The following WDR7 variants were observed in gnomAD, a reference collection of about 807,000 sequenced individuals.
The protein encoded by WDR7 is WD repeat domain 7, also known as WD repeat-containing protein 7.
In WDR7, 46 loss-of-function variants were observed where a neutral mutation model predicts 169.4. The ratio of observed to expected loss-of-function variants is 0.27; its 90% CI spans 0.21 to 0.35. WDR7 has a LOEUF of 0.35. Ranked by LOEUF, WDR7 falls within the 10% of genes least tolerant of loss-of-function variation. WDR7 has a pLI of 1.00. For synonymous variants in WDR7, 612 were observed against 666.8 expected (o/e 0.92, Z 1.27); for missense variants, 1,534 against 1,859.3 (o/e 0.83, Z 3.22).
chr18:56,662,445 C>A (rs2024924549), intron 1 of WDR7, among the ~76,000 whole-genome samples: 1 of 152,122 alleles, frequency 6.6e-6, no homozygotes, highest in Admixed American at 6.6e-5. Flanking sequence ...CCCCATAGGT[C>A]ATTGATAGTT....
intron 21 of WDR7, among the ~76,000 whole-genome samples, chr18:56,892,939 A>C (rs547178820): frequency 6.6e-6 from 1 of 152,262 alleles, no homozygotes; most frequent in Non-Finnish European, 1.5e-5. Context: ...GCTGTTATAC[A>C]ACATACAATA....
chr18:56,848,180 G>A (rs2045593635), intron 20 of WDR7, among the ~76,000 whole-genome samples: 1 of 152,240 alleles, frequency 6.6e-6, no homozygotes, highest in Non-Finnish European at 1.5e-5. Context: ...TGTCCTGGAT[G>A]TGGGGCATGG....
intron 26 of WDR7, among the ~76,000 whole-genome samples, chr18:56,991,713 C>A (rs1423657548): frequency 6.6e-6 from 1 of 152,126 alleles, no homozygotes; most frequent in Non-Finnish European, 1.5e-5. Context: ...ATAACTGATA[C>A]CTTTATTTGA....
chr18:56,847,549 A>T (rs1157435384), intron 20 of WDR7, among the ~76,000 whole-genome samples: 1 of 152,170 alleles, frequency 6.6e-6, no homozygotes, highest in Non-Finnish European at 1.5e-5. Flanking sequence ...AAGTGCTAAT[A>T]TCCAAGACAA....
intron 26 of WDR7, among the ~76,000 whole-genome samples, chr18:57,018,486 A>G (rs1195551585): frequency 6.6e-6 from 1 of 152,246 alleles, no homozygotes; most frequent in Non-Finnish European, 1.5e-5. Flanking sequence ...TGAAGAGCAC[A>G]TGCTCAGGCT....
intron 19 of WDR7, among the ~76,000 whole-genome samples, chr18:56,786,911 G>C (rs974677324): frequency 6.6e-6 from 1 of 151,242 alleles, no homozygotes; most frequent in African/African-American, 2.4e-5. Flanking sequence ...AAAGTAAATA[G>C]TTTTTGCCAT....
intron 21 of WDR7, among the ~76,000 whole-genome samples, chr18:56,883,838 A>T (rs2046148689): frequency 2.0e-5 from 3 of 152,140 alleles, no homozygotes; most frequent in African/African-American, 7.2e-5. Flanking sequence ...AAATGCCAAT[A>T]TTTCATTCCT....
chr18:56,819,325 G>T (rs1366166080), intron 20 of WDR7, among the ~76,000 whole-genome samples: 2 of 152,048 alleles, frequency 1.3e-5, no homozygotes, highest in Non-Finnish European at 2.9e-5. Flanking sequence ...AAAAAAATTG[G>T]GTCTTGATTG....
intron 25 of WDR7, among the ~76,000 whole-genome samples, chr18:56,953,993 T>C (rs2047216841): frequency 6.6e-6 from 1 of 152,224 alleles, no homozygotes; most frequent in African/African-American, 2.4e-5. Context: ...TCAAGCACTA[T>C]GTGCATAGAA....
chr18:56,803,481 T>C (rs763642299), intron 19 of WDR7, among the ~76,000 whole-genome samples: 2 of 152,176 alleles, frequency 1.3e-5, no homozygotes, highest in Non-Finnish European at 2.9e-5. Flanking sequence ...AGGTAAATAT[T>C]CTGATTTTTT....
Position 56,695,078 on chromosome 18 carries a change from G to C in WDR7, c.1237G>C (p.Val413Leu), listed in dbSNP as rs1237332374. The change falls in exon 11 of 28, where the codon GTG becomes CTG. Residue 413 changes from valine to leucine, a missense_variant. Coordinates refer to ENST00000254442, the MANE Select transcript of WDR7 (RefSeq NM_015285.3). Reference protein sequence around the residue: ...SNEPLKVTASVYIPAHGRLVC... With the variant: ...SNEPLKVTASLYIPAHGRLVC... Reference sequence around the variant, plus strand: ...TGAACCTCTTAAAGTAACTGCAAGTGTGTACATACCAGCACATGGACGACT... The same window carrying C: ...TGAACCTCTTAAAGTAACTGCAAGTCTGTACATACCAGCACATGGACGACT... 6.2e-7 allele frequency: 1 copy of C among 1,614,012 alleles called. No individual in the cohort carries two copies. Among genetic ancestry groups the C allele is most frequent in the Admixed American group, 1.7e-5 (1 of 60,000 alleles).
chr18:56,928,751 CCA>C lies in WDR7; in HGVS notation c.3713+4645_3713+4646del, dbSNP rs1029228830. Among the ~76,000 whole-genome samples the C allele has an allele frequency of 9.9e-5, 15 of 152,088 alleles. 1 individual carries two copies. Among genetic ancestry groups the C allele is most frequent in the African/African-American group, 3.6e-4 (15 of 41,416 alleles). ...ATTCAAGAAATAGGCATTATCATCC[CCA>C]CTTTGCAGATGAGAAAAAAATGAAT... On this transcript the variant is annotated intron_variant, in intron 22 of 27. Coordinates refer to ENST00000254442, the MANE Select transcript of WDR7 (RefSeq NM_015285.3).
At chr18:56,926,822 A>G (rs2046815232) in intron 22 of WDR7, among the ~76,000 whole-genome samples, 1 of 152,200 alleles carries the variant, frequency 6.6e-6, no homozygotes, top group African/African-American at 2.4e-5. Context: ...ATTTAGATGG[A>G]AAATGGCCTG....
At chr18:56,663,550 C>CTTT (rs1416576338) in intron 1 of WDR7, among the ~76,000 whole-genome samples, 8 of 152,102 alleles carry the variant, frequency 5.3e-5, no homozygotes, top group African/African-American at 1.9e-4. Flanking sequence ...AGTGGTTCTA[C>CTTT]ACACACAAAA....
chr18:57,005,717 G>T (rs2048046922), intron 26 of WDR7, among the ~76,000 whole-genome samples: 1 of 152,238 alleles, frequency 6.6e-6, no homozygotes, highest in African/African-American at 2.4e-5. Flanking sequence ...AATCAGGGGT[G>T]TCTTAATCTT....
chr18:56,824,073 A>G (rs148739477), intron 20 of WDR7, among the ~76,000 whole-genome samples: 366 of 152,258 alleles, frequency 2.4e-3, no homozygotes, highest in African/African-American at 8.4e-3. Context: ...TCAAGGGCTG[A>G]CTTATATCTC....
chr18:56,724,609 T>C (rs928678399), intron 13 of WDR7, among the ~76,000 whole-genome samples: 1 of 151,744 alleles, frequency 6.6e-6, no homozygotes, highest in Non-Finnish European at 1.5e-5. Context: ...TTGAGCTTTG[T>C]TGTGGGACAC....
intron 20 of WDR7, among the ~76,000 whole-genome samples, chr18:56,860,174 T>C (rs918076679): frequency 1.3e-5 from 2 of 152,148 alleles, no homozygotes; most frequent in Admixed American, 6.5e-5. Flanking sequence ...GATGGGCCCA[T>C]GCTTTCAAGA....
intron 16 of WDR7, among the ~76,000 whole-genome samples, chr18:56,765,131 C>T (rs2044040753): frequency 6.6e-6 from 1 of 151,936 alleles, no homozygotes; most frequent in South Asian, 2.1e-4. Flanking sequence ...CTATTTGGCT[C>T]TTTATATTTA....
Sources: gnomAD v4.1 joint callset for allele counts (sites outside exome capture counted in the v4.1 genomes callset) on GRCh38, gnomAD v4.1.1 for gene constraint, MANE v1.5 for transcripts, NCBI Gene and HGNC (gene_info 2026-07-23, HGNC 2026-07-21) for gene names.